The following YTHDC2 variants were observed in gnomAD, a reference collection of about 807,000 sequenced individuals.
The protein encoded by YTHDC2 is YTH N6-methyladenosine RNA binding protein C2.
In YTHDC2, 45 loss-of-function variants were observed where a neutral mutation model predicts 174.9. The ratio of observed to expected loss-of-function variants is 0.26; its 90% CI spans 0.20 to 0.33. YTHDC2 has a LOEUF of 0.33. YTHDC2 is among the 10% of genes least tolerant of loss of function. YTHDC2 has a pLI of 1.00. For missense variants in YTHDC2, 1,650 were observed against 1,723.7 expected (o/e 0.96, Z 0.76); for synonymous variants, 657 against 574.5 (o/e 1.14, Z -2.05).
chr5:113,555,387 A>G (rs890719169), intron 16 of YTHDC2, among the ~76,000 whole-genome samples: 2 of 152,156 alleles, frequency 1.3e-5, no homozygotes, highest in Non-Finnish European at 2.9e-5. Flanking sequence ...AAGTATAAGT[A>G]CCGAGTGACT....
chr5:113,568,986 TAGTGTAAA>T (rs1777539021), intron 23 of YTHDC2, among the ~76,000 whole-genome samples: 4 of 152,276 alleles, frequency 2.6e-5, no homozygotes, highest in Admixed American at 2.6e-4. Flanking sequence ...AATTACACAG[TAGTGTAAA>T]AGTGTTCCTT....
At chr5:113,533,309 G>A (rs1464646427) in intron 5 of YTHDC2, among the ~76,000 whole-genome samples, 1 of 151,906 alleles carries the variant, frequency 6.6e-6, no homozygotes, top group East Asian at 1.9e-4. Context: ...TTGGGAGGCC[G>A]AGGCGGGTGG....
intron 4 of YTHDC2, among the ~76,000 whole-genome samples, chr5:113,532,314 T>C (rs1774731260): frequency 6.6e-6 from 1 of 152,208 alleles, no homozygotes; most frequent in African/African-American, 2.4e-5. Flanking sequence ...CAGTAGTTAC[T>C]TTTTTGGAGA....
At chr5:113,542,174 AG>A (rs1435223868) in intron 9 of YTHDC2, among the ~76,000 whole-genome samples, 193 bp from the exon 10 acceptor site, 4 of 152,202 alleles carry the variant, frequency 2.6e-5, no homozygotes, top group African/African-American at 9.6e-5. Context: ...CTCAGATAAA[AG>A]TTGAGTATAA....
chr5:113,526,519 A>C, intron 3 of YTHDC2, 67 bp from the exon 4 acceptor site: 1 of 1,349,910 alleles, frequency 7.4e-7, no homozygotes, highest in Non-Finnish European at 9.9e-7. Context: ...AAAAAAAATT[A>C]CTTATTTTTA....
At chr5:113,564,938 C>T (rs553659546) in intron 20 of YTHDC2, among the ~76,000 whole-genome samples, 114 of 152,178 alleles carry the variant, frequency 7.5e-4, no homozygotes, top group African/African-American at 2.6e-3. Flanking sequence ...CTCAGCCTCC[C>T]GAGTAGCTGG....
intron 23 of YTHDC2, among the ~76,000 whole-genome samples, chr5:113,571,089 C>T (rs1385705984): frequency 2.0e-5 from 3 of 152,082 alleles, no homozygotes; most frequent in African/African-American, 4.8e-5. Flanking sequence ...CTGCTTTTGC[C>T]CATTCAGTAT....
chr5:113,550,884 A>G (rs1222081854), intron 12 of YTHDC2, among the ~76,000 whole-genome samples: 3 of 152,114 alleles, frequency 2.0e-5, no homozygotes, highest in Non-Finnish European at 4.4e-5. Flanking sequence ...TAAATAAATT[A>G]TGAAGCTTTC....
At chr5:113,580,376 T>C (rs1778323024) in intron 24 of YTHDC2, among the ~76,000 whole-genome samples, 3 of 152,168 alleles carry the variant, frequency 2.0e-5, no homozygotes, top group African/African-American at 7.2e-5. Flanking sequence ...GAGAAAGATA[T>C]GATTCCATAC....
chr5:113,562,038 A>G (rs1015187072), intron 18 of YTHDC2, among the ~76,000 whole-genome samples: 3 of 148,532 alleles, frequency 2.0e-5, no homozygotes, highest in Non-Finnish European at 4.4e-5. Context: ...CAGACCCTAT[A>G]GCTTCTAGGG....
At chr5:113,545,291 CT>C (rs796167004) in intron 10 of YTHDC2, among the ~76,000 whole-genome samples, 11 of 151,326 alleles carry the variant, frequency 7.3e-5, no homozygotes, top group African/African-American at 1.9e-4. Flanking sequence ...GGTTTTTTGA[CT>C]TTTTTTTTCT....
intron 26 of YTHDC2, among the ~76,000 whole-genome samples, chr5:113,587,965 G>C (rs1778784582): frequency 6.6e-6 from 1 of 151,956 alleles, no homozygotes; most frequent in Non-Finnish European, 1.5e-5. Context: ...CAGAGTACAA[G>C]TATTACAATT....
intron 2 of YTHDC2, among the ~76,000 whole-genome samples, chr5:113,521,592 A>T (rs906278803): frequency 1.3e-5 from 2 of 151,908 alleles, no homozygotes; most frequent in Non-Finnish European, 2.9e-5. Flanking sequence ...TTAGCCATGC[A>T]TGGTGGCGGG....
At position 113,526,709 on chromosome 5, in the gene YTHDC2, A is replaced by G; in HGVS notation, c.599A>G (p.Glu200Gly). 1 of 1,583,342 alleles carries G rather than the reference A, an allele frequency of 6.3e-7. No individual in the cohort carries two copies. Among genetic ancestry groups the G allele is most frequent in the Non-Finnish European group, 8.6e-7 (1 of 1,163,644 alleles). ...RQSLPVFEKQEEIVKIIKENK... is the reference protein window; with the variant it reads ...RQSLPVFEKQGEIVKIIKENK... ...TCTTTACCAGTGTTTGAGAAACAGG[A>G]AGAAATTGTTAAAATAATTAAGGAA... Residue 200 changes from glutamate to glycine, a missense_variant, in exon 4 of 30, where the codon GAA becomes GGA. Physicochemically the swap from Glu to Gly is moderately conservative, Grantham distance 98. This residue lies in a region of YTHDC2 where 304 missense variants were observed against 341.4 expected (regional missense o/e 0.89). Coordinates refer to ENST00000161863, the MANE Select transcript of YTHDC2 (RefSeq NM_022828.5).
Position 113,553,779 on chromosome 5 carries a change from T to C in YTHDC2, c.1977T>C (p.Phe659=). ...FADSTHRYQV[F]MLHSNMQTSD... ...CAATTGTCTGCAGATACCAAGTCTT[T>C]ATGCTTCATTCAAATATGCAAACAT... The change falls in exon 15 of 30, where the codon TTT becomes TTC. Residue 659 remains phenylalanine, a synonymous_variant. Transcript: ENST00000161863. 1.2e-6 allele frequency: 2 copies of C among 1,612,570 alleles called. No individual in the cohort carries two copies. The highest frequency in any genetic ancestry group is 1.7e-6 in the Non-Finnish European group (2 of 1,179,396).
intron 23 of YTHDC2, among the ~76,000 whole-genome samples, chr5:113,574,160 A>T (rs1298356975): frequency 6.6e-6 from 1 of 151,914 alleles, no homozygotes; most frequent in African/African-American, 2.4e-5. Context: ...TTTTCTGTTG[A>T]TGTTGTTGTT....
At chr5:113,542,339 T>A in intron 9 of YTHDC2, 29 bp from the exon 10 acceptor site, 1 of 1,601,768 alleles carries the variant, frequency 6.2e-7, no homozygotes, top group Non-Finnish European at 8.5e-7. Flanking sequence ...TAATTTATGA[T>A]AATTTATGAT....
intron 1 of YTHDC2, 56 bp from the exon 2 acceptor site, chr5:113,515,212 TTTAC>T: frequency 7.8e-7 from 1 of 1,288,848 alleles, no homozygotes; most frequent in African/African-American, 1.5e-5. Context: ...ATCTGTGTGT[TTTAC>T]TTGAGAGAAA....
In YTHDC2 at chr5:113,549,033, AC is replaced by A; in HGVS notation, c.1688+14del. On this transcript the variant is annotated intron_variant, in intron 12 of 29. Coordinates refer to ENST00000161863, the MANE Select transcript of YTHDC2 (RefSeq NM_022828.5). ...TAGAATCTTACAGGTAAAACTTTGT[AC>A]TATTTTAAATTAATTCTACCGTCTC... 1 of 1,597,140 alleles carries A rather than the reference AC, an allele frequency of 6.3e-7. No homozygotes were observed. The highest frequency in any genetic ancestry group is 1.1e-5 in the South Asian group (1 of 90,336).
Sources: gnomAD v4.1 joint callset for allele counts (sites outside exome capture counted in the v4.1 genomes callset) on GRCh38, gnomAD v4.1.1 for gene constraint, gnomAD v4.1.1 regional missense constraint, MANE v1.5 for transcripts, NCBI Gene and HGNC (gene_info 2026-07-23, HGNC 2026-07-21) for gene names.